SHANK2: variants seen among roughly 807,000 people sequenced by gnomAD.
SHANK2 encodes the protein SH3 and multiple ankyrin repeat domains 2.
In SHANK2, 43 loss-of-function variants were observed where a neutral mutation model predicts 133.7. The observed-to-expected ratio is 0.32, with a 90% confidence interval of 0.25 to 0.41. The LOEUF is 0.41. Ranked by LOEUF, SHANK2 falls within the 10% of genes least tolerant of loss-of-function variation. The pLI is 1.00. For missense variants in SHANK2, 1,994 were observed against 2,235.8 expected, an observed-to-expected ratio of 0.89 and a Z score of 2.18; for synonymous variants, 1,017 against 952.8, an observed-to-expected ratio of 1.07 and a Z score of -1.24.
chr11:70,707,883 G>A (rs1006259041), intron 14 of SHANK2, among the ~76,000 whole-genome samples: 17 of 152,076 alleles, frequency 1.1e-4, no homozygotes, highest in Non-Finnish European at 2.2e-4. Context: ...CTCACCCCAC[G>A]CCCCAGTTAC....
At chr11:71,087,296 C>A (rs1435229037) in intron 8 of SHANK2, among the ~76,000 whole-genome samples, 1 of 152,086 alleles carries the variant, frequency 6.6e-6, no homozygotes, top group Non-Finnish European at 1.5e-5. Flanking sequence ...GAGATGGGCC[C>A]GGAGACATTT....
rs368314133 is a variant in SHANK2 at position 70,470,537 on chromosome 11, A to G, written c.*2332T>C. 5.2e-5 allele frequency: 8 copies of G among 152,746 alleles called. No individual in the cohort carries two copies. Among genetic ancestry groups the G allele is most frequent in the African/African-American group, 1.9e-4 (8 of 41,578 alleles). The allele number at this position is 152,746 out of a possible 1,614,324, so 9.5% of individuals were successfully genotyped here. A position where few individuals can be genotyped will look rare whatever the true frequency, so the allele number is the denominator to read the frequency against. On this transcript the variant is annotated 3_prime_UTR_variant, in exon 26 of 26. Coordinates refer to ENST00000601538, the MANE Select transcript of SHANK2 (RefSeq NM_012309.5). ...CCAGGGAAAGTGCCATGCCAAAGGA[A>G]TGGACTCACGGAATTTTGCGGTATC...
intron 14 of SHANK2, among the ~76,000 whole-genome samples, chr11:70,784,600 C>T (rs1371929112): frequency 1.3e-5 from 2 of 152,004 alleles, no homozygotes; most frequent in Non-Finnish European, 2.9e-5. Context: ...AGCAACTGTG[C>T]CTGGCCATAG....
At chr11:71,192,650 C>A (rs1450401800) in intron 2 of SHANK2, among the ~76,000 whole-genome samples, 2 of 152,192 alleles carry the variant, frequency 1.3e-5, no homozygotes, top group Non-Finnish European at 2.9e-5. Context: ...AAAAGCCTCG[C>A]CTTTCCCAGG....
At chr11:71,148,134 G>C (rs1428978479) in intron 2 of SHANK2, among the ~76,000 whole-genome samples, 5 of 151,664 alleles carry the variant, frequency 3.3e-5, no homozygotes, top group Non-Finnish European at 4.4e-5. Flanking sequence ...GCCCAGGCTG[G>C]AGTGCAATGG....
At chr11:70,510,226 A>G (rs1554969090) in intron 17 of SHANK2, among the ~76,000 whole-genome samples, 1 of 152,142 alleles carries the variant, frequency 6.6e-6, no homozygotes, top group East Asian at 1.9e-4. Flanking sequence ...CACAGCCCCC[A>G]GATGCTGCTG....
chr11:70,726,468 G>GT (rs1208749162), intron 14 of SHANK2, among the ~76,000 whole-genome samples: 2 of 150,994 alleles, frequency 1.3e-5, no homozygotes, highest in South Asian at 4.2e-4. Flanking sequence ...TGAGTCTGGT[G>GT]TGGGTGGGTG....
At chr11:70,480,535 CTTA>C (rs1555151275) in intron 25 of SHANK2, among the ~76,000 whole-genome samples, 2 of 152,126 alleles carry the variant, frequency 1.3e-5, no homozygotes, top group African/African-American at 2.4e-5. Flanking sequence ...TTGGGTTTGT[CTTA>C]TTATTTGTTG....
At chr11:71,154,080 G>T (rs1476719528) in intron 2 of SHANK2, among the ~76,000 whole-genome samples, 1 of 152,138 alleles carries the variant, frequency 6.6e-6, no homozygotes, top group Non-Finnish European at 1.5e-5. Context: ...ATCTCTGAGA[G>T]ACACCCTGTA....
chr11:70,622,300 G>C (rs1054160585), intron 17 of SHANK2, among the ~76,000 whole-genome samples: 2 of 152,050 alleles, frequency 1.3e-5, no homozygotes, highest in Non-Finnish European at 2.9e-5. Flanking sequence ...AAGAGCCCAG[G>C]ACTCAACTCA....
chr11:70,845,521 C>T (rs1428048783), intron 11 of SHANK2, among the ~76,000 whole-genome samples: 1 of 152,058 alleles, frequency 6.6e-6, no homozygotes, highest in Admixed American at 6.5e-5. Flanking sequence ...AGCACGGGGC[C>T]ATCTTAGGTG....
chr11:70,643,919 G>A (rs141043460), intron 17 of SHANK2, among the ~76,000 whole-genome samples: 5 of 150,298 alleles, frequency 3.3e-5, no homozygotes, highest in South Asian at 4.2e-4. Flanking sequence ...GCAGGTGGAG[G>A]GGGGGGAGGA....
intron 15 of SHANK2, chr11:70,662,023 A>C: frequency 1.8e-6 from 1 of 549,988 alleles, no homozygotes; most frequent in Non-Finnish European, 3.3e-6. Flanking sequence ...AGGGCAAAGA[A>C]AGTAAGTGGC....
chr11:71,208,680 A>G (rs997362451), intron 2 of SHANK2, among the ~76,000 whole-genome samples: 5 of 152,120 alleles, frequency 3.3e-5, no homozygotes, highest in Admixed American at 1.3e-4. Context: ...CCTGATTCCA[A>G]TTCCCCTAGG....
chr11:70,928,111 T>C (rs1473869784), intron 10 of SHANK2, among the ~76,000 whole-genome samples: 2 of 152,110 alleles, frequency 1.3e-5, no homozygotes, highest in Non-Finnish European at 2.9e-5. Context: ...TCTTATTGGT[T>C]CCATTTTTCT....
intron 8 of SHANK2, among the ~76,000 whole-genome samples, chr11:71,090,358 G>A (rs1281522151): frequency 9.8e-6 from 1 of 102,274 alleles, no homozygotes; most frequent in African/African-American, 4.1e-5. Flanking sequence ...CTCTGTGTGT[G>A]TGTGTGTGTG....
intron 2 of SHANK2, among the ~76,000 whole-genome samples, chr11:71,223,932 G>A (rs1325078203): frequency 6.6e-6 from 1 of 152,094 alleles, no homozygotes; most frequent in African/African-American, 2.4e-5. Flanking sequence ...TTGCCCACAG[G>A]GCTCTGGACC....
chr11:70,794,279 A>G (rs1947860336), intron 14 of SHANK2, among the ~76,000 whole-genome samples: 1 of 19,664 alleles, frequency 5.1e-5, no homozygotes, highest in Non-Finnish European at 2.4e-4. Context: ...TCCGTCTCAG[A>G]AAAAAAAAAA....
intron 1 of SHANK2, among the ~76,000 whole-genome samples, chr11:71,229,338 A>C (rs577186573): frequency 6.6e-6 from 1 of 152,318 alleles, no homozygotes; most frequent in Admixed American, 6.5e-5. Flanking sequence ...TAAAACCCCA[A>C]AACCTCCTGG....
Sources: gnomAD v4.1 joint callset for allele counts (sites outside exome capture counted in the v4.1 genomes callset) on GRCh38, gnomAD v4.1.1 for gene constraint, MANE v1.5 for transcripts, NCBI Gene and HGNC (gene_info 2026-07-23, HGNC 2026-07-21) for gene names.